CCDC144A: variants seen among roughly 807,000 people sequenced by gnomAD.
The protein encoded by CCDC144A is coiled-coil domain containing 144A.
A neutral mutation model predicts 143.8 loss-of-function variants in CCDC144A; 41 were observed. The observed-to-expected ratio is 0.29, with a 90% confidence interval of 0.22 to 0.37. The LOEUF is 0.37. Among genes scored for constraint, CCDC144A ranks in the 10% least tolerant of loss-of-function variants. CCDC144A has a pLI of 1.00. For missense variants in CCDC144A, 637 were observed against 1,488.8 expected, an observed-to-expected ratio of 0.43 and a Z score of 9.41; for synonymous variants, 242 against 517.9, an observed-to-expected ratio of 0.47 and a Z score of 7.23.
At chr17:16,693,507 G>C (rs1435573452) in intron 2 of CCDC144A, among the ~76,000 whole-genome samples, 5 of 151,990 alleles carry the variant, frequency 3.3e-5, no homozygotes, top group African/African-American at 1.2e-4. Context: ...AGTAGAGATG[G>C]GGTTTCACCG....
chr17:16,688,780 G>A (rs1329839350), upstream of CCDC144A, among the ~76,000 whole-genome samples: 1 of 151,984 alleles, frequency 6.6e-6, no homozygotes, highest in Non-Finnish European at 1.5e-5. Context: ...GAGCCACTGC[G>A]CCCGGCCACA....
intron 12 of CCDC144A, among the ~76,000 whole-genome samples, chr17:16,752,185 A>G (rs1914825439): frequency 6.6e-6 from 1 of 152,206 alleles, no homozygotes; most frequent in African/African-American, 2.4e-5. Context: ...TCACATCAGT[A>G]GCGGCATTAG....
chr17:16,768,594 T>C (rs1376133758), intron 15 of CCDC144A, among the ~76,000 whole-genome samples: 5 of 152,266 alleles, frequency 3.3e-5, no homozygotes, highest in South Asian at 2.1e-4. Flanking sequence ...TTTTTACTTA[T>C]AGGTTTCACA....
chr17:16,761,348 A>AG (rs2143369361), intron 12 of CCDC144A, 77 bp from the exon 13 acceptor site: 1 of 1,503,156 alleles, frequency 6.7e-7, no homozygotes, highest in South Asian at 1.3e-5. Context: ...AAAAAAAAAA[A>AG]AAAATTATTA....
At chr17:16,700,261 C>T (rs1238440554) in intron 2 of CCDC144A, among the ~76,000 whole-genome samples, 1 of 152,160 alleles carries the variant, frequency 6.6e-6, no homozygotes, top group East Asian at 1.9e-4. Context: ...CTTAATTCCC[C>T]CAGCCTCAAA....
At chr17:16,768,493 G>A (rs1486399179) in intron 15 of CCDC144A, among the ~76,000 whole-genome samples, 11 of 152,154 alleles carry the variant, frequency 7.2e-5, no homozygotes, top group Non-Finnish European at 1.3e-4. Flanking sequence ...TTGTTATGGA[G>A]GCCTGCGTTA....
chr17:16,700,221 A>G lies in CCDC144A; in HGVS notation c.416-4930A>G, dbSNP rs550042696. On this transcript the variant is annotated intron_variant, in intron 2 of 16. Coordinates refer to ENST00000399273, the MANE Select transcript of CCDC144A (RefSeq NM_001382000.1). ...GAGGAAGCCAGGCACAAGCTACAGG[A>G]GTCATCTCCTGTGTAGCTAGCAGGA... is the stretch of plus-strand genomic sequence containing the variant. 3.9e-5 allele frequency among the ~76,000 whole-genome samples: 6 copies of G among 152,318 alleles called. No individual in the cohort carries two copies. In the South Asian group the frequency reaches 1.2e-3, roughly 32 times the overall value.
chr17:16,683,421 G>A, the CCDC144A span: 35 of 1,004,596 alleles, frequency 3.5e-5, no homozygotes, highest in Non-Finnish European at 3.4e-5. Flanking sequence ...ATGCTTCCTG[G>A]TGCCGGGAGT....
At chr17:16,698,509 G>A (rs1417279520) in intron 2 of CCDC144A, among the ~76,000 whole-genome samples, 3 of 152,164 alleles carry the variant, frequency 2.0e-5, no homozygotes, top group Non-Finnish European at 4.4e-5. Flanking sequence ...GCAGCTCCCT[G>A]TACAGGATCA....
chr17:16,702,613 G>A (rs1429038578), intron 2 of CCDC144A, among the ~76,000 whole-genome samples: 3 of 152,146 alleles, frequency 2.0e-5, no homozygotes, highest in African/African-American at 4.8e-5. Flanking sequence ...TATCCATGGG[G>A]GATATGTTCC....
At chr17:16,669,530 A>G in the CCDC144A span, among the ~76,000 whole-genome samples, 1 of 152,236 alleles carries the variant, frequency 6.6e-6, no homozygotes, top group Non-Finnish European at 1.5e-5. Flanking sequence ...ATAGACAAGC[A>G]TTCTCCAACA....
chr17:16,776,798 C>T lies in CCDC144A; in HGVS notation c.*3165C>T, dbSNP rs1405240608. 6.6e-6 allele frequency: 1 copy of T among 152,144 alleles called. No individual in the cohort carries two copies. The highest frequency in any genetic ancestry group is 1.5e-5 in the Non-Finnish European group (1 of 68,050). The allele number at this position is 152,144 out of a possible 1,614,324, so 9.4% of individuals were successfully genotyped here. A position where few individuals can be genotyped will look rare whatever the true frequency, so the allele number is the denominator to read the frequency against. On this transcript the variant is annotated 3_prime_UTR_variant, in exon 17 of 17. Transcript: ENST00000399273. ...TGTGTCAGTTTTCAAGGGAACGCTT[C>T]CAGGTTTTCAGGTACTCAGGCAACA...
At chr17:16,713,617 A>G (rs1333975036) in intron 6 of CCDC144A, among the ~76,000 whole-genome samples, 1 of 152,320 alleles carries the variant, frequency 6.6e-6, no homozygotes, top group Middle Eastern at 3.4e-3. Context: ...GTCTTTATGT[A>G]TAAGCATGAG....
the CCDC144A span, among the ~76,000 whole-genome samples, chr17:16,669,191 C>A: frequency 6.6e-6 from 1 of 152,044 alleles, no homozygotes; most frequent in African/African-American, 2.4e-5. Flanking sequence ...ATATATCTTG[C>A]GACATTTGAG....
Position 16,772,024 on chromosome 17 carries a change from G to A in CCDC144A, c.4141+5G>A, listed in dbSNP as rs779110687. The A allele has an allele frequency of 6.5e-7, 1 of 1,530,486 alleles. No homozygotes were observed. The highest frequency in any genetic ancestry group is 8.8e-7 in the Non-Finnish European group (1 of 1,131,432). The allele number at this position is 1,530,486 out of a possible 1,614,324, so 94.8% of individuals were successfully genotyped here. On this transcript the variant is annotated splice_donor_5th_base_variant and intron_variant, in intron 16 of 16. Transcript: ENST00000399273. ...ATCTAACTGCAGAAGTAGCAGGTAT[G>A]TTACCAAAATTTATGAATTAAATTT...
At chr17:16,677,316 G>A in the CCDC144A span, among the ~76,000 whole-genome samples, 1 of 152,148 alleles carries the variant, frequency 6.6e-6, no homozygotes, top group Admixed American at 6.5e-5. Context: ...TTTAAGCTTG[G>A]GCCCAGCTGA....
intron 11 of CCDC144A, among the ~76,000 whole-genome samples, chr17:16,733,420 G>A (rs544112624): frequency 1.9e-4 from 28 of 149,254 alleles, no homozygotes; most frequent in East Asian, 1.2e-3. Context: ...GGAGAATGGC[G>A]TGAACCCTGG....
upstream of CCDC144A, among the ~76,000 whole-genome samples, chr17:16,685,426 C>T (rs1470261029): frequency 1.3e-5 from 2 of 152,040 alleles, no homozygotes; most frequent in East Asian, 3.9e-4. Context: ...GTCACCCAGA[C>T]TGGAGTGCAA....
At chr17:16,706,215 A>G (rs1912049642) in intron 3 of CCDC144A, 1 of 149,318 alleles carries the variant, frequency 6.7e-6, no homozygotes, top group Admixed American at 6.6e-5. Context: ...AATTTGCTGC[A>G]TAGTATCTCC....
Sources: allele counts gnomAD v4.1 joint callset (sites outside exome capture counted in the v4.1 genomes callset), GRCh38; gene constraint gnomAD v4.1.1; transcripts MANE v1.5; gene names NCBI Gene and HGNC (gene_info 2026-07-23, HGNC 2026-07-21).